The following TBK1 variants were observed in gnomAD, a reference collection of about 807,000 sequenced individuals.
The protein encoded by TBK1 is TANK binding kinase 1, also known as serine/threonine-protein kinase TBK1.
Under a neutral mutation model 99.9 loss-of-function variants are expected in TBK1, and 37 were observed. The observed-to-expected ratio is 0.37, with a 90% CI of 0.28 to 0.49. TBK1 has a LOEUF of 0.49. TBK1 is among the 20% of genes least tolerant of loss of function. The probability of loss-of-function intolerance (pLI) is 0.98; values close to 1 mark genes in which losing one functional copy is unlikely to be tolerated. For missense variants in TBK1, 644 were observed against 872.5 expected (o/e 0.74, Z 3.30); for synonymous variants, 258 against 279.8 (o/e 0.92, Z 0.78).
chr12:64,492,338 C>T (rs1480005269), intron 13 of TBK1, among the ~76,000 whole-genome samples: 1 of 152,132 alleles, frequency 6.6e-6, no homozygotes, highest in African/African-American at 2.4e-5. Flanking sequence ...CAGAGTTTCC[C>T]TCTTGTTGCC....
intron 12 of TBK1, among the ~76,000 whole-genome samples, chr12:64,489,592 A>T (rs1233175979): frequency 6.8e-6 from 1 of 147,658 alleles, no homozygotes; most frequent in African/African-American, 2.5e-5. Flanking sequence ...TTTTTGAGAG[A>T]GAGTCTCACT....
intron 5 of TBK1, among the ~76,000 whole-genome samples, chr12:64,470,739 G>A (rs1475335259): frequency 8.5e-5 from 13 of 152,080 alleles, no homozygotes; most frequent in Admixed American, 8.5e-4. Flanking sequence ...TCTGGTCTCC[G>A]CCTTTTCCAA....
rs1555202365 is a variant in TBK1 at position 64,460,241 on chromosome 12, G to A, written c.140G>A (p.Arg47His). 3 of 1,579,506 alleles carry A rather than the reference G, an allele frequency of 1.9e-6. No homozygotes were observed. The highest frequency in any genetic ancestry group is 1.2e-5 in the South Asian group (1 of 84,818). Residue 47 changes from arginine to histidine, a missense_variant, in exon 3 of 21, where the codon CGT becomes CAT. By Grantham distance (29) the Arg-to-His change is conservative. Coordinates refer to ENST00000331710, the MANE Select transcript of TBK1 (RefSeq NM_013254.4). ...GTATTTAATAACATAAGCTTCCTTC[G>A]TCCAGTGGATGTTCAAATGAGAGAA... Reference protein sequence around the residue: ...IKVFNNISFLRPVDVQMREFE... With the variant: ...IKVFNNISFLHPVDVQMREFE...
chr12:64,490,454 T>C (rs1208961311), intron 13 of TBK1, among the ~76,000 whole-genome samples: 1 of 152,044 alleles, frequency 6.6e-6, no homozygotes, highest in Non-Finnish European at 1.5e-5. Flanking sequence ...TATTAAATAA[T>C]CTTACTGCCT....
At chr12:64,465,242 C>CAAAAAAAAAAAAAAA (rs57575805) in intron 4 of TBK1, among the ~76,000 whole-genome samples, 1 of 57,918 alleles carries the variant, frequency 1.7e-5, no homozygotes, top group Non-Finnish European at 2.9e-5. Flanking sequence ...AAGACTATCT[C>CAAAAAAAAAAAAAAA]AAAAAAAAAA....
intron 15 of TBK1, 47 bp downstream of exon 15, chr12:64,495,822 A>G (rs1476027347): frequency 7.2e-7 from 1 of 1,396,010 alleles, no homozygotes; most frequent in Non-Finnish European, 9.7e-7. Flanking sequence ...CCTCTTAGTA[A>G]TTAGTTATAA....
At chr12:64,488,864 C>T (rs552839637) in intron 12 of TBK1, among the ~76,000 whole-genome samples, 9 of 152,102 alleles carry the variant, frequency 5.9e-5, no homozygotes, top group Non-Finnish European at 7.4e-5. Flanking sequence ...TGGTGGCGCA[C>T]GCCTGTAGTC....
At chr12:64,486,673 A>G (rs1592370260) in intron 11 of TBK1, among the ~76,000 whole-genome samples, 1 of 152,006 alleles carries the variant, frequency 6.6e-6, no homozygotes, top group East Asian at 1.9e-4. Context: ...GGCTCAGGCA[A>G]TCAGCCCGCC....
intron 20 of TBK1, 129 bp downstream of exon 20, chr12:64,498,168 C>G: frequency 1.4e-6 from 1 of 737,630 alleles, no homozygotes; most frequent in South Asian, 1.7e-5. Flanking sequence ...TCATGTTTTT[C>G]TCTCTATGAT....
chr12:64,491,458 A>G (rs1225835855), intron 13 of TBK1, among the ~76,000 whole-genome samples: 2 of 151,792 alleles, frequency 1.3e-5, no homozygotes, highest in Non-Finnish European at 2.9e-5. Context: ...CCATCTCTAC[A>G]AAAAATACAA....
intron 13 of TBK1, among the ~76,000 whole-genome samples, chr12:64,491,612 G>A (rs1243542653): frequency 6.6e-6 from 1 of 152,140 alleles, no homozygotes; most frequent in Non-Finnish European, 1.5e-5. Context: ...TGACAGAGCC[G>A]AGACTGTCTC....
intron 11 of TBK1, among the ~76,000 whole-genome samples, chr12:64,486,601 AT>A (rs879722648): frequency 1.9e-3 from 267 of 140,226 alleles, no homozygotes; most frequent in Non-Finnish European, 1.7e-3. Context: ...CACCCAGCTA[AT>A]TTTTTTTTTT....
intron 5 of TBK1, among the ~76,000 whole-genome samples, chr12:64,473,236 T>C (rs1398926988): frequency 6.6e-6 from 1 of 152,192 alleles, no homozygotes; most frequent in Admixed American, 6.5e-5. Context: ...AATCTGAAGC[T>C]CAGGGCCCAA....
chr12:64,464,273 C>A, intron 3 of TBK1, 61 bp from the exon 4 acceptor site: 6 of 1,372,172 alleles, frequency 4.4e-6, no homozygotes, highest in Non-Finnish European at 6.0e-6. Context: ...CAGATAAGTA[C>A]TGGCATATAA....
chr12:64,485,717 C>A (rs2040814189), intron 10 of TBK1: 2 of 441,706 alleles, frequency 4.5e-6, no homozygotes, highest in Non-Finnish European at 7.8e-6. Flanking sequence ...TAAGAAAATT[C>A]TCTCCATTGA....
In TBK1 at chr12:64,480,044, C is replaced by T. The variant is rs751890932; in HGVS notation, c.734C>T (p.Ala245Val). 21 of 1,611,794 alleles carry T rather than the reference C, an allele frequency of 1.3e-5. No homozygotes were observed. Among genetic ancestry groups the T allele is most frequent in the Non-Finnish European group, 1.7e-5 (20 of 1,178,768 alleles). Residue 245 changes from alanine to valine, a missense_variant, in exon 7 of 21, where the codon GCA becomes GTA. This residue lies in a region of TBK1 where 465 missense variants were observed against 588.0 expected (regional missense o/e 0.79). Coordinates refer to ENST00000331710, the MANE Select transcript of TBK1 (RefSeq NM_013254.4). ...YKIITGKPSG[A>V]ISGVQKAENG... ...ATAATTACAGGAAAGCCTTCTGGTG[C>T]AATATCTGGAGTACAGAAAGCAGAA...
chr12:64,484,026 C>T (rs1273007406), intron 8 of TBK1: 3 of 191,312 alleles, frequency 1.6e-5, no homozygotes, highest in Non-Finnish European at 1.1e-5. Context: ...CACACACACA[C>T]ACACACACAC....
Position 64,464,420 on chromosome 12 carries a change from T to C in TBK1, c.315T>C (p.Tyr105=). The part of the protein sequence containing the change: ...YTVLEEPSNA[Y]GLPESEFLIV... ...TTTTAGAAGAACCTTCTAATGCCTA[T>C]GGACTACCAGAATCTGAATTCTTAA... The change falls in exon 4 of 21, where the codon TAT becomes TAC. Residue 105 remains tyrosine, a synonymous_variant. Coordinates refer to ENST00000331710, the MANE Select transcript of TBK1 (RefSeq NM_013254.4). 2 of 1,603,812 alleles carry C rather than the reference T, an allele frequency of 1.2e-6. No individual in the cohort carries two copies. Among genetic ancestry groups the C allele is most frequent in the Non-Finnish European group, 8.5e-7 (1 of 1,174,424 alleles).
chr12:64,467,178 T>G (rs1237875898), intron 5 of TBK1, 96 bp downstream of exon 5: 1 of 986,760 alleles, frequency 1.0e-6, no homozygotes, highest in Non-Finnish European at 1.4e-6. Flanking sequence ...TAAAATGTCA[T>G]TTTTATGACA....
Sources: allele counts gnomAD v4.1 joint callset (sites outside exome capture counted in the v4.1 genomes callset), GRCh38; gene constraint gnomAD v4.1.1; regional missense constraint gnomAD v4.1.1; transcripts MANE v1.5; gene names NCBI Gene and HGNC (gene_info 2026-07-23, HGNC 2026-07-21).